Variants in EXOC4 observed in about 807,000 individuals in gnomAD.
The protein encoded by EXOC4 is exocyst complex component 4.
A neutral mutation model predicts 107.2 loss-of-function variants in EXOC4; 71 were observed. The ratio of observed to expected loss-of-function variants is 0.66; its 90% CI spans 0.55 to 0.81. The LOEUF is 0.81. Among genes scored for constraint, EXOC4 ranks in the 30% least tolerant of loss-of-function variants. The pLI, the probability that EXOC4 is intolerant of heterozygous loss-of-function variation, is 0.00. For synonymous variants in EXOC4, 456 were observed against 441.2 expected, an observed-to-expected ratio of 1.03 and a Z score of -0.42; for missense variants, 1,108 against 1,189.6, an observed-to-expected ratio of 0.93 and a Z score of 1.01.
At chr7:133,999,584 G>A (rs1285212379) in intron 15 of EXOC4, among the ~76,000 whole-genome samples, 1 of 152,090 alleles carries the variant, frequency 6.6e-6, no homozygotes, top group Admixed American at 6.5e-5. Flanking sequence ...AGAGAAATCA[G>A]GTGTTTTCTA....
At chr7:133,783,752 G>T (rs917626163) in intron 10 of EXOC4, among the ~76,000 whole-genome samples, 1 of 152,202 alleles carries the variant, frequency 6.6e-6, no homozygotes, top group Non-Finnish European at 1.5e-5. Flanking sequence ...CTTACTTTAT[G>T]TACAATATTC....
chr7:133,725,501 G>A (rs191678231), intron 10 of EXOC4, among the ~76,000 whole-genome samples: 1 of 151,928 alleles, frequency 6.6e-6, no homozygotes, highest in Admixed American at 6.6e-5. Flanking sequence ...TCAGCCTCCC[G>A]AGTAGCTGGG....
At chr7:133,884,699 C>T (rs1799043837) in intron 11 of EXOC4, among the ~76,000 whole-genome samples, 1 of 151,554 alleles carries the variant, frequency 6.6e-6, no homozygotes, top group African/African-American at 2.4e-5. Context: ...ACCTTAGATT[C>T]TTAGCAGCAT....
At chr7:133,882,451 G>T (rs1443397780) in intron 11 of EXOC4, among the ~76,000 whole-genome samples, 1 of 152,196 alleles carries the variant, frequency 6.6e-6, no homozygotes, top group Non-Finnish European at 1.5e-5. Flanking sequence ...TACCTGTTAT[G>T]TTCCAGGTCC....
intron 9 of EXOC4, chr7:133,576,714 G>A: frequency 7.8e-7 from 1 of 1,289,784 alleles, no homozygotes; most frequent in Non-Finnish European, 1.0e-6. Flanking sequence ...AAGACTTGTT[G>A]CCAACATGGA....
At chr7:133,945,785 T>G (rs1036144046) in intron 14 of EXOC4, among the ~76,000 whole-genome samples, 1 of 152,224 alleles carries the variant, frequency 6.6e-6, no homozygotes, top group Admixed American at 6.5e-5. Flanking sequence ...TGAGATGGAA[T>G]GTGAATATTC....
intron 10 of EXOC4, among the ~76,000 whole-genome samples, chr7:133,711,038 C>A (rs191131330): frequency 1.3e-5 from 2 of 152,188 alleles, no homozygotes; most frequent in East Asian, 3.9e-4. Flanking sequence ...ACCGTCCCCA[C>A]GGAAAAACAG....
chr7:133,954,947 C>T lies in EXOC4; in HGVS notation c.2206+16878C>T, dbSNP rs1010789344. On this transcript the variant is annotated intron_variant, in intron 14 of 17. Coordinates refer to ENST00000253861, the MANE Select transcript of EXOC4 (RefSeq NM_021807.4). ...CTTCCACACCTGGCACCAGGGAACACGGTGGTACACGGAAGTTTGGAGACA... is the reference window on the plus strand; with the variant it reads ...CTTCCACACCTGGCACCAGGGAACATGGTGGTACACGGAAGTTTGGAGACA... Among the ~76,000 whole-genome samples, 9 of 152,338 alleles carry T rather than the reference C, an allele frequency of 5.9e-5. No homozygotes were observed. In the East Asian group the frequency reaches 9.6e-4, roughly 16 times the overall value.
At chr7:133,314,627 G>T (rs1236416160) in intron 4 of EXOC4, among the ~76,000 whole-genome samples, 1 of 152,158 alleles carries the variant, frequency 6.6e-6, no homozygotes, top group Non-Finnish European at 1.5e-5. Context: ...AATCTAGAGT[G>T]ATGTGCATGT....
chr7:133,544,370 C>T (rs1299874147), intron 9 of EXOC4, among the ~76,000 whole-genome samples: 1 of 151,952 alleles, frequency 6.6e-6, no homozygotes, highest in Admixed American at 6.6e-5. Context: ...AATATAATTC[C>T]TGCTGGTAAA....
chr7:133,629,940 G>A (rs1316059206), intron 9 of EXOC4, 105 bp from the exon 10 acceptor site: 1 of 735,842 alleles, frequency 1.4e-6, no homozygotes. Flanking sequence ...TGTTTGCAAA[G>A]ATGGTCCTAA....
intron 9 of EXOC4, among the ~76,000 whole-genome samples, chr7:133,511,326 A>G (rs1799764436): frequency 6.6e-6 from 1 of 152,126 alleles, no homozygotes; most frequent in African/African-American, 2.4e-5. Flanking sequence ...CTAGACAAAG[A>G]GGGTTTGGGT....
chr7:133,452,665 A>T (rs1170375606), intron 7 of EXOC4, among the ~76,000 whole-genome samples: 1 of 151,404 alleles, frequency 6.6e-6, no homozygotes, highest in African/African-American at 2.4e-5. Flanking sequence ...AAGTTGTTTG[A>T]TTCTCTACTA....
At chr7:134,022,256 T>G (rs1795047191) in intron 17 of EXOC4, among the ~76,000 whole-genome samples, 1 of 152,240 alleles carries the variant, frequency 6.6e-6, no homozygotes. Context: ...AGTTTTGCTT[T>G]TTTCATTTCT....
intron 15 of EXOC4, among the ~76,000 whole-genome samples, chr7:134,003,059 G>C (rs1794566271): frequency 6.6e-6 from 1 of 152,072 alleles, no homozygotes; most frequent in Admixed American, 6.6e-5. Flanking sequence ...ACCTAAACCT[G>C]GAAAGAATCT....
rs150096407 is a variant in EXOC4, at chr7:133,853,854, C to T, written c.1734+36310C>T. On this transcript the variant is annotated intron_variant, in intron 11 of 17. Transcript: ENST00000253861. ...GAAGAACTTGCTGGTTCCTGTAAGC[C>T]GAGCAGCCTGTTTGTGCTGTGCCCT... Among the ~76,000 whole-genome samples, 375 of 152,258 alleles carry T rather than the reference C, an allele frequency of 2.5e-3. 5 individuals carry two copies. Among genetic ancestry groups the T allele is most frequent in the African/African-American group, 8.3e-3 (346 of 41,550 alleles).
At chr7:134,076,300 G>A in the EXOC4 span, among the ~76,000 whole-genome samples, 4 of 152,200 alleles carry the variant, frequency 2.6e-5, no homozygotes, top group East Asian at 3.9e-4. Context: ...GGTGGATGAC[G>A]AGGTCAGGAG....
intron 5 of EXOC4, among the ~76,000 whole-genome samples, chr7:133,351,877 G>A (rs545543007): frequency 9.9e-4 from 150 of 151,582 alleles, no homozygotes; most frequent in Non-Finnish European, 1.8e-3. Context: ...CATATGTTGT[G>A]TTTTCATTTT....
chr7:133,904,779 G>C (rs1207014079), intron 12 of EXOC4, among the ~76,000 whole-genome samples: 2 of 152,184 alleles, frequency 1.3e-5, no homozygotes, highest in Non-Finnish European at 2.9e-5. Context: ...ATGCCCCCAC[G>C]GTGCTGTTGC....
Sources: allele counts gnomAD v4.1 joint callset (sites outside exome capture counted in the v4.1 genomes callset), GRCh38; gene constraint gnomAD v4.1.1; transcripts MANE v1.5; gene names NCBI Gene and HGNC (gene_info 2026-07-23, HGNC 2026-07-21).